The following NAV3 variants were observed in gnomAD, a reference collection of about 807,000 sequenced individuals.
The protein encoded by NAV3 is pore membrane and/or filament interacting like protein 1.
Under a neutral mutation model 244.7 loss-of-function variants are expected in NAV3, and 87 were observed. That is an observed-to-expected ratio of 0.36 (90% CI 0.30 to 0.42). The LOEUF is 0.42. Among genes scored for constraint, NAV3 ranks in the 20% least tolerant of loss-of-function variants. NAV3 has a pLI of 1.00. For synonymous variants in NAV3, 1,126 were observed against 1,042.2 expected (o/e 1.08, Z -1.55); for missense variants, 2,663 against 2,893.3 (o/e 0.92, Z 1.83).
chr12:77,725,097 A>T (rs1362954264), intron 2 of NAV3, among the ~76,000 whole-genome samples: 2 of 152,058 alleles, frequency 1.3e-5, no homozygotes, highest in African/African-American at 4.8e-5. Flanking sequence ...TTATTTCAAG[A>T]TAATTTAAGC....
At chr12:77,657,233 G>T (rs1873159247) in intron 2 of NAV3, among the ~76,000 whole-genome samples, 1 of 152,116 alleles carries the variant, frequency 6.6e-6, no homozygotes, top group African/African-American at 2.4e-5. Context: ...GAAAAAAAGA[G>T]AGAAGAATCA....
At chr12:77,973,800 C>A (rs1243018136) in intron 5 of NAV3, among the ~76,000 whole-genome samples, 1 of 151,994 alleles carries the variant, frequency 6.6e-6, no homozygotes, top group Non-Finnish European at 1.5e-5. Context: ...CCCTTGTGAA[C>A]CTGGCTTCAA....
At chr12:77,969,040 C>A (rs532111380) in intron 5 of NAV3, among the ~76,000 whole-genome samples, 1 of 152,100 alleles carries the variant, frequency 6.6e-6, no homozygotes, top group South Asian at 2.1e-4. Flanking sequence ...AGTCTCCTGT[C>A]ATGTAGTTAT....
chr12:77,868,913 T>G (rs918209260), intron 1 of NAV3, among the ~76,000 whole-genome samples: 1 of 151,190 alleles, frequency 6.6e-6, no homozygotes, highest in Admixed American at 6.6e-5. Flanking sequence ...CTACTAAAAA[T>G]ACAAAAAAAT....
chr12:77,713,997 A>G (rs1642991016), intron 2 of NAV3, among the ~76,000 whole-genome samples: 2 of 152,070 alleles, frequency 1.3e-5, no homozygotes, highest in South Asian at 2.1e-4. Flanking sequence ...TTGAAGATAC[A>G]TTTTCTGCAT....
chr12:78,123,360 AT>A (rs1955762268), intron 16 of NAV3, among the ~76,000 whole-genome samples: 1 of 147,160 alleles, frequency 6.8e-6, no homozygotes, highest in Non-Finnish European at 1.5e-5. Context: ...TTTTATTTTT[AT>A]TTTTTAACTC....
At chr12:77,745,242 C>T (rs949047315) in intron 2 of NAV3, among the ~76,000 whole-genome samples, 1 of 152,038 alleles carries the variant, frequency 6.6e-6, no homozygotes, top group African/African-American at 2.4e-5. Flanking sequence ...TTGTATCATT[C>T]TTTCTGCATG....
intron 1 of NAV3, among the ~76,000 whole-genome samples, chr12:77,933,694 G>A (rs953142008): frequency 6.6e-5 from 10 of 152,194 alleles, no homozygotes; most frequent in Admixed American, 1.3e-4. Context: ...TAATGGATTC[G>A]TTTCATAATT....
chr12:77,910,461 C>T (rs1289500833), intron 1 of NAV3, among the ~76,000 whole-genome samples: 2 of 152,144 alleles, frequency 1.3e-5, no homozygotes, highest in Non-Finnish European at 2.9e-5. Context: ...TTAGGCCCTA[C>T]TTCCAGTATT....
At chr12:77,910,679 G>A (rs537270149) in intron 1 of NAV3, among the ~76,000 whole-genome samples, 4 of 152,116 alleles carry the variant, frequency 2.6e-5, no homozygotes, top group Non-Finnish European at 4.4e-5. Context: ...CTGTACCTAA[G>A]ATTGGTGACA....
intron 1 of NAV3, among the ~76,000 whole-genome samples, chr12:77,938,377 G>C (rs1889532158): frequency 6.6e-6 from 1 of 152,140 alleles, no homozygotes; most frequent in Non-Finnish European, 1.5e-5. Context: ...AGACAGTTAT[G>C]CAAGTAATTT....
chr12:77,875,063 G>A (rs924683322), intron 1 of NAV3, among the ~76,000 whole-genome samples: 4 of 152,112 alleles, frequency 2.6e-5, no homozygotes, highest in Admixed American at 2.6e-4. Flanking sequence ...TAACTGCTAT[G>A]AGTAGAAGCC....
intron 11 of NAV3, among the ~76,000 whole-genome samples, chr12:78,053,345 C>T (rs1389220599): frequency 2.0e-5 from 3 of 152,086 alleles, no homozygotes; most frequent in African/African-American, 7.2e-5. Context: ...ACCACAAACA[C>T]TGCATTAGTG....
At chr12:77,770,965 C>A (rs12366453) in intron 2 of NAV3, among the ~76,000 whole-genome samples, 56,787 of 151,550 alleles carry the variant, frequency 0.37, 11,837 homozygotes, top group East Asian at 0.48. Context: ...CTACCATCAG[C>A]GTGAACAGGC....
chr12:77,946,102 G>GTATATATA (rs35092398), intron 3 of NAV3, among the ~76,000 whole-genome samples: 4 of 142,000 alleles, frequency 2.8e-5, no homozygotes, highest in African/African-American at 1.0e-4. Flanking sequence ...ATATATATAT[G>GTATATATA]TATATATATA....
At chr12:77,717,928 G>A (rs979677210) in intron 2 of NAV3, among the ~76,000 whole-genome samples, 2 of 152,038 alleles carry the variant, frequency 1.3e-5, no homozygotes, top group South Asian at 2.1e-4. Context: ...GAATTATTAG[G>A]TATTTTGTCA....
chr12:78,208,623 T>G (rs1960578705), intron 39 of NAV3, among the ~76,000 whole-genome samples: 2 of 152,184 alleles, frequency 1.3e-5, no homozygotes, highest in Non-Finnish European at 2.9e-5. Context: ...GAATCTGAGA[T>G]GTGGAATGTA....
At chr12:77,921,544 C>G (rs1433339508) in intron 1 of NAV3, among the ~76,000 whole-genome samples, 1 of 151,986 alleles carries the variant, frequency 6.6e-6, no homozygotes, top group Non-Finnish European at 1.5e-5. Context: ...TTAAGAACTG[C>G]AGTTTGGAAC....
At chr12:77,691,381 C>T (rs1875024120) in intron 2 of NAV3, among the ~76,000 whole-genome samples, 1 of 96,456 alleles carries the variant, frequency 1.0e-5, no homozygotes, top group Non-Finnish European at 2.0e-5. Flanking sequence ...ACTTTTTCTG[C>T]TCAAACATAA....
Sources: gnomAD v4.1 joint callset for allele counts (sites outside exome capture counted in the v4.1 genomes callset) on GRCh38, gnomAD v4.1.1 for gene constraint, MANE v1.5 for transcripts, NCBI Gene and HGNC (gene_info 2026-07-23, HGNC 2026-07-21) for gene names.